The following PPP2R2C variants were observed in gnomAD, a reference collection of about 807,000 sequenced individuals.
The protein encoded by PPP2R2C is protein phosphatase 2, regulatory subunit B, gamma.
Under a neutral mutation model 45.3 loss-of-function variants are expected in PPP2R2C, and 10 were observed. The ratio of observed to expected loss-of-function variants is 0.22; its 90% confidence interval spans 0.14 to 0.37. The LOEUF is 0.37. Ranked by LOEUF, PPP2R2C falls within the 10% of genes least tolerant of loss-of-function variation. PPP2R2C has a pLI of 1.00. For missense variants in PPP2R2C, 308 were observed against 619.7 expected (o/e 0.50, Z 5.34); for synonymous variants, 257 against 245.4 (o/e 1.05, Z -0.44).
At chr4:6,513,670 GT>G in intron 2 of PPP2R2C, among the ~76,000 whole-genome samples, 1 of 152,356 alleles carries the variant, frequency 6.6e-6, no homozygotes, top group East Asian at 1.9e-4. Context: ...GCCTGGACCA[GT>G]TCATTAAGGG....
At chr4:6,515,107 C>A (rs540454519) in intron 2 of PPP2R2C, among the ~76,000 whole-genome samples, 3 of 152,294 alleles carry the variant, frequency 2.0e-5, no homozygotes, top group East Asian at 1.9e-4. Context: ...AGGACCCCAA[C>A]ATATCTTTTG....
At chr4:6,361,519 T>G (rs1281402972) in intron 5 of PPP2R2C, among the ~76,000 whole-genome samples, 1 of 152,240 alleles carries the variant, frequency 6.6e-6, no homozygotes, top group Non-Finnish European at 1.5e-5. Context: ...TTTGCAGGGC[T>G]GTAATGAGGA....
chr4:6,356,207 T>G (rs1211739645), intron 5 of PPP2R2C, among the ~76,000 whole-genome samples: 2 of 152,124 alleles, frequency 1.3e-5, no homozygotes, highest in African/African-American at 4.8e-5. Context: ...AAAGTTGTTC[T>G]ACTGTTTATA....
intron 1 of PPP2R2C, among the ~76,000 whole-genome samples, chr4:6,468,104 T>C (rs1313468892): frequency 6.6e-6 from 1 of 152,204 alleles, no homozygotes; most frequent in Admixed American, 6.5e-5. Context: ...AGAGACTAAC[T>C]GTTGTGGAGA....
At chr4:6,325,450 G>C (rs1731865473) in intron 8 of PPP2R2C, among the ~76,000 whole-genome samples, 1 of 152,168 alleles carries the variant, frequency 6.6e-6, no homozygotes, top group Admixed American at 6.5e-5. Flanking sequence ...GCTGACTGGG[G>C]GAGGCCACAC....
intron 1 of PPP2R2C, among the ~76,000 whole-genome samples, chr4:6,396,808 C>T (rs563659746): frequency 6.6e-6 from 1 of 152,326 alleles, no homozygotes; most frequent in East Asian, 1.9e-4. Flanking sequence ...CCCTGATTTG[C>T]GGCATTTGCC....
At chr4:6,410,709 A>C (rs1303423255) in intron 1 of PPP2R2C, among the ~76,000 whole-genome samples, 1 of 151,964 alleles carries the variant, frequency 6.6e-6, no homozygotes, top group African/African-American at 2.4e-5. Flanking sequence ...CATCCCTGCC[A>C]CTTACCACCC....
rs185013803 is a variant in PPP2R2C, at chr4:6,546,244, C to T, written c.-58-10867G>A. 2.2e-4 allele frequency among the ~76,000 whole-genome samples: 33 copies of T among 152,272 alleles called. No individual in the cohort carries two copies. In the East Asian group the frequency reaches 6.0e-3, roughly 28 times the overall value. On this transcript the variant is annotated intron_variant, in intron 1 of 9. Transcript: ENST00000506140. The stretch of plus-strand genomic sequence containing the variant: ...TGGCTGCAGTACAGCCAGAGTCAAA[C>T]CGGTGATCACGGGCAAGGCAGGGTT...
chr4:6,382,638 C>CTCTG (rs1715891741), intron 1 of PPP2R2C: 1 of 97,486 alleles, frequency 1.0e-5, no homozygotes, highest in Admixed American at 2.1e-4. Context: ...CTCTCTCTCT[C>CTCTG]TCTCTCTCTC....
At position 6,472,274 on chromosome 4, in the gene PPP2R2C, C is replaced by G. The variant is rs1285401626; in HGVS notation, c.-45G>C. ...TCTGGGCATGCCCCGCCGCCACACA[C>G]CGATGCAATCCGCAGAGGTCGCGCC... On this transcript the variant is annotated 5_prime_UTR_variant, in exon 1 of 9. Coordinates refer to ENST00000382599, the MANE Select transcript of PPP2R2C (RefSeq NM_020416.4). 2.5e-6 allele frequency: 4 copies of G among 1,610,062 alleles called. No individual in the cohort carries two copies. The highest frequency in any genetic ancestry group is 8.5e-7 in the Non-Finnish European group (1 of 1,178,190).
At chr4:6,543,771 T>G (rs1724884051) in intron 1 of PPP2R2C, among the ~76,000 whole-genome samples, 1 of 152,060 alleles carries the variant, frequency 6.6e-6, no homozygotes, top group Non-Finnish European at 1.5e-5. Flanking sequence ...TGACCTCACA[T>G]CCCAGGCCTG....
At chr4:6,349,406 G>T in intron 5 of PPP2R2C, 1 of 974,256 alleles carries the variant, frequency 1.0e-6, no homozygotes. Context: ...TCGCTGTGAA[G>T]ATCATCAGAG....
rs551956548 is a variant in PPP2R2C, at chr4:6,351,287, T to G, written c.626-3277A>C. 2.0e-4 allele frequency: 160 copies of G among 792,464 alleles called. No homozygotes were observed. In the African/African-American group the frequency reaches 2.9e-3, roughly 15 times the overall value. The allele number at this position is 792,464 out of a possible 1,614,324, so 49.1% of individuals were successfully genotyped here. Reference sequence around the variant, plus strand: ...GAGATCGCGCCACTGCACTCCAGACTGGGTGACAGAGCAAGACTCCATCTC... The same window carrying G: ...GAGATCGCGCCACTGCACTCCAGACGGGGTGACAGAGCAAGACTCCATCTC... On this transcript the variant is annotated intron_variant, in intron 5 of 8. Transcript: ENST00000382599.
intron 1 of PPP2R2C, chr4:6,535,411 T>A: frequency 3.6e-6 from 5 of 1,404,770 alleles, no homozygotes; most frequent in Non-Finnish European, 4.8e-6. Flanking sequence ...AGTTGAGGAA[T>A]CAAAGAGCCT....
intron 1 of PPP2R2C, among the ~76,000 whole-genome samples, chr4:6,411,903 C>G (rs1718229083): frequency 6.6e-6 from 1 of 152,218 alleles, no homozygotes; most frequent in African/African-American, 2.4e-5. Context: ...TGCCATATTC[C>G]TTGGTTACTT....
chr4:6,554,015 A>C (rs754690868), intron 1 of PPP2R2C, among the ~76,000 whole-genome samples: 3 of 152,160 alleles, frequency 2.0e-5, no homozygotes, highest in Admixed American at 6.5e-5. Flanking sequence ...CACCACGCCT[A>C]ATGAACTAGA....
chr4:6,387,854 A>G (rs1716331790), intron 1 of PPP2R2C, among the ~76,000 whole-genome samples: 1 of 151,924 alleles, frequency 6.6e-6, no homozygotes, highest in African/African-American at 2.4e-5. Flanking sequence ...ATTTCAGCTG[A>G]AGCTTTCCCA....
Position 6,393,828 on chromosome 4 carries a change from G to C in PPP2R2C, c.71-12734C>G, listed in dbSNP as rs551309087. 8.1e-4 allele frequency among the ~76,000 whole-genome samples: 123 copies of C among 152,352 alleles called. 2 individuals are homozygous for C. In the South Asian group the frequency reaches 0.025, roughly 31 times the overall value. ...ATTTGTCTGTGGTCAGCAGGATCCGGTCAAGCTGCTGGGTTTGACTCTAGC... is the reference window on the plus strand; with the variant it reads ...ATTTGTCTGTGGTCAGCAGGATCCGCTCAAGCTGCTGGGTTTGACTCTAGC... On this transcript the variant is annotated intron_variant, in intron 1 of 8. Transcript: ENST00000382599.
chr4:6,548,592 G>A (rs1725073925), intron 1 of PPP2R2C, among the ~76,000 whole-genome samples: 2 of 152,236 alleles, frequency 1.3e-5, no homozygotes, highest in South Asian at 2.1e-4. Flanking sequence ...AAGAGCCAGT[G>A]TGGGCAGGTA....
Sources: allele counts gnomAD v4.1 joint callset (sites outside exome capture counted in the v4.1 genomes callset), GRCh38; gene constraint gnomAD v4.1.1; transcripts MANE v1.5; gene names NCBI Gene and HGNC (gene_info 2026-07-23, HGNC 2026-07-21).